HHAT: variants seen among roughly 807,000 people sequenced by gnomAD.
The protein encoded by HHAT is hedgehog acyltransferase, also known as protein-cysteine N-palmitoyltransferase HHAT.
HHAT carries 47 observed loss-of-function variants against 70.8 expected under a neutral mutation model. That is an observed-to-expected ratio of 0.66 (90% CI 0.53 to 0.85). HHAT has a LOEUF of 0.85. HHAT is among the 40% of genes least tolerant of loss of function. The pLI, the probability that HHAT is intolerant of heterozygous loss-of-function variation, is 0.00. For missense variants in HHAT, 609 were observed against 604.8 expected, an observed-to-expected ratio of 1.01 and a Z score of -0.07; for synonymous variants, 228 against 247.6, an observed-to-expected ratio of 0.92 and a Z score of 0.74.
intron 9 of HHAT, among the ~76,000 whole-genome samples, chr1:210,573,429 C>T (rs1391515033): frequency 2.6e-5 from 4 of 152,140 alleles, no homozygotes; most frequent in Non-Finnish European, 5.9e-5. Flanking sequence ...GAAAGTTAAC[C>T]CAAGTAATCC....
chr1:210,528,681 C>A (rs376540339), intron 9 of HHAT, among the ~76,000 whole-genome samples: 1 of 151,892 alleles, frequency 6.6e-6, no homozygotes, highest in Non-Finnish European at 1.5e-5. Flanking sequence ...TATCACTAAT[C>A]TGTTACCAAT....
chr1:210,540,636 A>ATT (rs34401666), intron 9 of HHAT, among the ~76,000 whole-genome samples: 40 of 147,598 alleles, frequency 2.7e-4, no homozygotes, highest in South Asian at 4.3e-4. Context: ...GTAGTTATTG[A>ATT]TTTTTTTTTT....
chr1:210,503,377 C>G (rs890641856), intron 8 of HHAT, among the ~76,000 whole-genome samples: 1 of 152,170 alleles, frequency 6.6e-6, no homozygotes, highest in African/African-American at 2.4e-5. Context: ...CAAAGGAAGC[C>G]AGGCTTTCCC....
intron 7 of HHAT, among the ~76,000 whole-genome samples, chr1:210,426,115 G>C (rs576253269): frequency 6.6e-6 from 1 of 152,284 alleles, no homozygotes; most frequent in Non-Finnish European, 1.5e-5. Context: ...GTTGTGAATG[G>C]TAATTTGTTG....
chr1:210,636,782 A>G (rs989815493), intron 11 of HHAT, among the ~76,000 whole-genome samples: 1 of 148,300 alleles, frequency 6.7e-6, no homozygotes, highest in African/African-American at 2.6e-5. Flanking sequence ...CATCTAAGGT[A>G]TGACAATATG....
At chr1:210,484,832 C>T (rs1449710636) in intron 8 of HHAT, among the ~76,000 whole-genome samples, 1 of 152,166 alleles carries the variant, frequency 6.6e-6, no homozygotes, top group Non-Finnish European at 1.5e-5. Flanking sequence ...TCAGTCTTAG[C>T]CAATGGGAGC....
rs116230180 is a variant in HHAT, at chr1:210,491,171, G to A, written c.1008-21982G>A. Among the ~76,000 whole-genome samples, 1,169 of 127,488 alleles carry A rather than the reference G, an allele frequency of 9.2e-3. 11 individuals carry two copies. Among genetic ancestry groups the A allele is most frequent in the African/African-American group, 0.026 (993 of 38,904 alleles). The allele number at this position is 127,488 out of a possible 152,430, so 83.6% of individuals were successfully genotyped here. A position where few individuals can be genotyped will look rare whatever the true frequency, so the allele number is the denominator to read the frequency against. On this transcript the variant is annotated intron_variant, in intron 8 of 11. Coordinates refer to ENST00000261458, the MANE Select transcript of HHAT (RefSeq NM_018194.6). Reference sequence around the variant, plus strand: ...TGCTAAGTCCTCTGAGACCCTAGTCGGTGTGGTTCAAGCCTGATTCAAGCC... The same window carrying A: ...TGCTAAGTCCTCTGAGACCCTAGTCAGTGTGGTTCAAGCCTGATTCAAGCC...
intron 2 of HHAT, among the ~76,000 whole-genome samples, chr1:210,358,678 T>A (rs1289136983): frequency 6.6e-6 from 1 of 152,194 alleles, no homozygotes; most frequent in Non-Finnish European, 1.5e-5. Flanking sequence ...AGGAGCTGAT[T>A]GGAGTTTTGC....
At chr1:210,386,327 C>A (rs1403538669) in intron 3 of HHAT, among the ~76,000 whole-genome samples, 1 of 144,782 alleles carries the variant, frequency 6.9e-6, no homozygotes, top group Admixed American at 7.1e-5. Flanking sequence ...CAAGCTCCGC[C>A]TCCCGGGTTC....
At chr1:210,559,218 A>G (rs1486849338) in intron 9 of HHAT, among the ~76,000 whole-genome samples, 1 of 152,154 alleles carries the variant, frequency 6.6e-6, no homozygotes, top group East Asian at 1.9e-4. Context: ...AGTAATCTAA[A>G]AGTATTTACC....
At chr1:210,663,428 T>G (rs375944592) in intron 11 of HHAT, among the ~76,000 whole-genome samples, 1 of 152,202 alleles carries the variant, frequency 6.6e-6, no homozygotes, top group South Asian at 2.1e-4. Context: ...AATGGTCAAG[T>G]GTACTGTGGA....
chr1:210,433,246 C>T (rs952653805), intron 7 of HHAT, among the ~76,000 whole-genome samples: 3 of 151,750 alleles, frequency 2.0e-5, no homozygotes, highest in Non-Finnish European at 4.4e-5. Flanking sequence ...ACTCACAGCG[C>T]AGGTGCTTAA....
intron 8 of HHAT, among the ~76,000 whole-genome samples, chr1:210,494,850 C>A (rs116685867): frequency 6.6e-6 from 1 of 151,876 alleles, no homozygotes; most frequent in African/African-American, 2.4e-5. Context: ...CTGTGCCCGG[C>A]GTGAAATTGC....
At chr1:210,373,220 A>G (rs906855626) in intron 3 of HHAT, among the ~76,000 whole-genome samples, 2 of 152,116 alleles carry the variant, frequency 1.3e-5, no homozygotes, top group Middle Eastern at 3.2e-3. Flanking sequence ...TGCCATAACA[A>G]GACTCAGAGA....
rs200289017 is a variant in HHAT at position 210,656,409 on chromosome 1, C to A, written c.1391-17879C>A. Among the ~76,000 whole-genome samples, 687 of 152,246 alleles carry A rather than the reference C, an allele frequency of 4.5e-3. 38 individuals carry two copies. The East Asian group carries it at 0.11, about 25-fold the overall frequency. On this transcript the variant is annotated intron_variant, in intron 11 of 11. Coordinates refer to ENST00000261458, the MANE Select transcript of HHAT (RefSeq NM_018194.6). The stretch of plus-strand genomic sequence containing the variant: ...ACCCTCAGGCTGAGCACACATACCC[C>A]CCCCGTCCCCCTGCCCTTTGAGCCT...
intron 9 of HHAT, among the ~76,000 whole-genome samples, chr1:210,573,237 A>G (rs1656782498): frequency 6.6e-6 from 1 of 152,100 alleles, no homozygotes; most frequent in African/African-American, 2.4e-5. Context: ...GTAAATCAAA[A>G]ACCAGGAAAG....
At chr1:210,395,040 C>G (rs2091702942) in intron 4 of HHAT, among the ~76,000 whole-genome samples, 1 of 152,008 alleles carries the variant, frequency 6.6e-6, no homozygotes, top group African/African-American at 2.4e-5. Context: ...GTAGCAGCTG[C>G]TATTGATTAT....
intron 11 of HHAT, chr1:210,630,853 G>A (rs1270259346): frequency 2.8e-5 from 10 of 354,862 alleles, no homozygotes; most frequent in East Asian, 1.5e-4. Context: ...GAGCCCTCTC[G>A]TCTTCCTAGT....
intron 8 of HHAT, among the ~76,000 whole-genome samples, chr1:210,502,819 T>A (rs929021067): frequency 6.6e-6 from 1 of 152,254 alleles, no homozygotes; most frequent in South Asian, 2.1e-4. Flanking sequence ...ATTGTAGTTA[T>A]AATAGGTCAG....
Sources: allele counts gnomAD v4.1 joint callset (sites outside exome capture counted in the v4.1 genomes callset), GRCh38; gene constraint gnomAD v4.1.1; transcripts MANE v1.5; gene names NCBI Gene and HGNC (gene_info 2026-07-23, HGNC 2026-07-21).